The following CYP11A1 variants were observed in gnomAD, a reference collection of about 807,000 sequenced individuals.
CYP11A1 encodes cholesterol side-chain cleavage enzyme, mitochondrial.
In CYP11A1, 25 loss-of-function variants were observed where a neutral mutation model predicts 51.9. The observed-to-expected ratio is 0.48, with a 90% CI of 0.35 to 0.67. The LOEUF (loss-of-function observed/expected upper bound fraction) is 0.67. Ranked by LOEUF, CYP11A1 falls within the 30% of genes least tolerant of loss-of-function variation. The pLI, the probability that CYP11A1 is intolerant of heterozygous loss-of-function variation, is 0.00. For missense variants in CYP11A1, 578 were observed against 680.9 expected (o/e 0.85, Z 1.68); for synonymous variants, 245 against 262.1 (o/e 0.93, Z 0.63).
Position 74,337,790 on chromosome 15 carries a change from G to C in CYP11A1, c.*182C>G, listed in dbSNP as rs2060585567. ...GGTTCAGCTGTTTATTGTCTCCATG[G>C]GGTGGGTGAAGAGGAGTGGCCCAGC... On this transcript the variant is annotated 3_prime_UTR_variant, in exon 9 of 9. Coordinates refer to ENST00000268053, the MANE Select transcript of CYP11A1 (RefSeq NM_000781.3). 1 of 718,484 alleles carries C rather than the reference G, an allele frequency of 1.4e-6. No individual in the cohort carries two copies. The highest frequency in any genetic ancestry group is 2.4e-6 in the Non-Finnish European group (1 of 408,598). 44.5% of individuals were successfully genotyped at this position (718,484 alleles called of 1,614,324 possible). A position where few individuals can be genotyped will look rare whatever the true frequency, so the allele number is the denominator to read the frequency against.
chr15:74,359,486 G>A (rs1042475042), intron 1 of CYP11A1: 2 of 152,208 alleles, frequency 1.3e-5, no homozygotes, highest in Non-Finnish European at 2.9e-5. Flanking sequence ...CAAAAGAAGT[G>A]AAAACGGCCT....
chr15:74,341,443 T>C (rs1233001266), intron 5 of CYP11A1, among the ~76,000 whole-genome samples: 1 of 152,230 alleles, frequency 6.6e-6, no homozygotes, highest in African/African-American at 2.4e-5. Flanking sequence ...CCCAGGGGGC[T>C]TGACATGTGC....
chr15:74,340,431 G>C (rs1159305925), intron 5 of CYP11A1, among the ~76,000 whole-genome samples: 2 of 152,142 alleles, frequency 1.3e-5, no homozygotes, highest in Non-Finnish European at 2.9e-5. Context: ...AGGCCCGTTT[G>C]GGACTCCAGC....
intron 1 of CYP11A1, chr15:74,365,524 A>C: frequency 3.6e-6 from 1 of 275,190 alleles, no homozygotes; most frequent in Non-Finnish European, 5.5e-6. Context: ...AGGGTAACGG[A>C]TGTAGGGAGG....
At chr15:74,366,460 T>TTTTATTTATTTATTTATTTATTTATTTA (rs45509005) in intron 1 of CYP11A1, among the ~76,000 whole-genome samples, 1 of 137,690 alleles carries the variant, frequency 7.3e-6, no homozygotes, top group Non-Finnish European at 1.5e-5. Context: ...ATTTTTTTTA[T>TTTTATTTATTTATTTATTTATTTATTTA]TTTATTTATT....
At chr15:74,364,928 C>T (rs1343815402) in intron 1 of CYP11A1, among the ~76,000 whole-genome samples, 1 of 152,100 alleles carries the variant, frequency 6.6e-6, no homozygotes, top group Non-Finnish European at 1.5e-5. Flanking sequence ...TGCCACCAAC[C>T]AGCTATCAAA....
chr15:74,367,230 C>T, intron 1 of CYP11A1, 87 bp downstream of exon 1: 5 of 1,485,208 alleles, frequency 3.4e-6, no homozygotes, highest in South Asian at 1.1e-5. Flanking sequence ...CAGAGAACAG[C>T]CTGTTGGGGG....
chr15:74,364,813 AG>A lies in CYP11A1; in HGVS notation c.269+2503del, dbSNP rs774035540. On this transcript the variant is annotated intron_variant, in intron 1 of 8. Coordinates refer to ENST00000268053, the MANE Select transcript of CYP11A1 (RefSeq NM_000781.3). ...GTGAGCACGGGACAGAAGCACTAAT[AG>A]GCCTAGGAGAGAGGGGGAGGAAGGA... Among the ~76,000 whole-genome samples, 94 of 152,144 alleles carry A rather than the reference AG, an allele frequency of 6.2e-4. 2 individuals carry two copies. Among genetic ancestry groups the A allele is most frequent in the Non-Finnish European group, 1.1e-3 (72 of 68,024 alleles).
chr15:74,339,875 A>G (rs1432543695), intron 5 of CYP11A1, 122 bp from the exon 6 acceptor site: 19 of 905,460 alleles, frequency 2.1e-5, no homozygotes, highest in Non-Finnish European at 2.9e-5. Flanking sequence ...ACCCCATCCC[A>G]GTCTCCAAGA....
At position 74,345,029 on chromosome 15, in the gene CYP11A1, T is replaced by TG. The variant is rs2060625769; in HGVS notation, c.625+14dup. 6.2e-7 allele frequency: 1 copy of TG among 1,613,342 alleles called. No homozygotes were observed. Among genetic ancestry groups the TG allele is most frequent in the Admixed American group, 1.7e-5 (1 of 59,996 alleles). ...ACCCCCATGCCCACTGCCAGCCAGGTGCAAGCCCCCTTACACTCAAAGGCA... is the reference window on the plus strand; with the variant it reads ...ACCCCCATGCCCACTGCCAGCCAGGTGGCAAGCCCCCTTACACTCAAAGGCA... On this transcript the variant is annotated intron_variant, in intron 3 of 8. Coordinates refer to ENST00000268053, the MANE Select transcript of CYP11A1 (RefSeq NM_000781.3). The surrounding 1 kb of genome is among the most constrained non-coding windows in gnomAD (Gnocchi z 4.3).
chr15:74,360,997 G>T (rs566332373), intron 1 of CYP11A1, among the ~76,000 whole-genome samples: 14 of 152,286 alleles, frequency 9.2e-5, no homozygotes, highest in East Asian at 1.9e-4. Flanking sequence ...AGTGTTGGGG[G>T]TTTTTTTGTG....
chr15:74,367,486 T>C lies in CYP11A1; in HGVS notation c.100A>G (p.Thr34Ala). 6.2e-7 allele frequency: 1 copy of C among 1,614,176 alleles called. No individual in the cohort carries two copies. The highest frequency in any genetic ancestry group is 8.5e-7 in the Non-Finnish European group (1 of 1,180,010). Residue 34 changes from threonine to alanine, a missense_variant, in exon 1 of 9, where the codon ACT (threonine) becomes GCT (alanine). Transcript: ENST00000268053. Reference protein sequence around the residue: ...REGLGRLRVPTGEGAGISTRS... With the variant: ...REGLGRLRVPAGEGAGISTRS... ...GTGGAGATGCCAGCTCCCTCGCCAGTGGGCACCCTGAGACGCCCCAGCCCC... is the reference window on the plus strand; with the variant it reads ...GTGGAGATGCCAGCTCCCTCGCCAGCGGGCACCCTGAGACGCCCCAGCCCC...
chr15:74,344,921 G>T, intron 3 of CYP11A1, 123 bp downstream of exon 3: 1 of 933,606 alleles, frequency 1.1e-6, no homozygotes. Flanking sequence ...CATGATCAGC[G>T]GCTCATCCCA....
At chr15:74,354,197 A>G (rs2060667353) in intron 1 of CYP11A1, among the ~76,000 whole-genome samples, 2 of 152,212 alleles carry the variant, frequency 1.3e-5, no homozygotes, top group Non-Finnish European at 2.9e-5. Flanking sequence ...ACCTGCACGT[A>G]TACATCCAGA....
At position 74,345,898 on chromosome 15, in the gene CYP11A1, G is replaced by A. The variant is rs184097998; in HGVS notation, c.426-655C>T. Reference sequence around the variant, plus strand: ...CACCATAGAAACTAGGAACTTGACAGTAACTTACACTTGCCCTCCTGGTCC... The same window carrying A: ...CACCATAGAAACTAGGAACTTGACAATAACTTACACTTGCCCTCCTGGTCC... On this transcript the variant is annotated intron_variant, in intron 2 of 8. Coordinates refer to ENST00000268053, the MANE Select transcript of CYP11A1 (RefSeq NM_000781.3). The surrounding 1 kb of genome is among the most constrained non-coding windows in gnomAD (Gnocchi z 4.3). Among the ~76,000 whole-genome samples the A allele has an allele frequency of 3.7e-3, 567 of 152,276 alleles. 3 individuals carry two copies. Among genetic ancestry groups the A allele is most frequent in the Middle Eastern group, 0.01 (3 of 294 alleles).
intron 1 of CYP11A1, among the ~76,000 whole-genome samples, chr15:74,355,665 T>C (rs115905686): frequency 0.01 from 1,562 of 152,202 alleles, 27 homozygotes; most frequent in African/African-American, 0.036. Context: ...CCAAACCCAG[T>C]CCAGCTTACA....
intron 1 of CYP11A1, chr15:74,365,722 G>A (rs761463128): frequency 2.0e-6 from 2 of 985,420 alleles, no homozygotes; most frequent in Non-Finnish European, 2.4e-6. Context: ...TCACCTTAGC[G>A]CGCCACTGTC....
At chr15:74,347,366 C>A (rs1446090244) in intron 2 of CYP11A1, among the ~76,000 whole-genome samples, 1 of 152,086 alleles carries the variant, frequency 6.6e-6, no homozygotes. Context: ...CATGATCAAA[C>A]CACTGCACTC....
chr15:74,367,325 C>T lies in CYP11A1; in HGVS notation c.261G>A (p.Pro87=), dbSNP rs141375785. The T allele has an allele frequency of 4.3e-4, 689 of 1,614,180 alleles. No individual in the cohort carries two copies. The highest frequency in any genetic ancestry group is 7.5e-4 in the Admixed American group (45 of 60,028). ...CCCTCTGCCAGGCTTACCTGTAAAT[C>T]GGGCCATACTTCTGGAAATTCTGGA... ...HHVQNFQKYG[P]IYREKLGNVE... Residue 87 remains proline (P), a synonymous_variant, in exon 1 of 9, where the codon CCG becomes CCA. Coordinates refer to ENST00000268053, the MANE Select transcript of CYP11A1 (RefSeq NM_000781.3).
Sources: gnomAD v4.1 joint callset for allele counts (sites outside exome capture counted in the v4.1 genomes callset) on GRCh38, gnomAD v4.1.1 for gene constraint, Gnocchi (gnomAD v3.1) non-coding constraint, MANE v1.5 for transcripts, NCBI Gene and HGNC (gene_info 2026-07-23, HGNC 2026-07-21) for gene names.